Variants in THSD4 observed in about 807,000 individuals in gnomAD.
The protein encoded by THSD4 is thrombospondin type 1 domain containing 4.
A neutral mutation model predicts 119.0 loss-of-function variants in THSD4; 69 were observed. The ratio of observed to expected loss-of-function variants is 0.58; its 90% CI spans 0.48 to 0.71. The LOEUF (loss-of-function observed/expected upper bound fraction) is 0.71. THSD4 is among the 30% of genes least tolerant of loss of function. The pLI, the probability that THSD4 is intolerant of heterozygous loss-of-function variation, is 0.00. For missense variants in THSD4, 1,393 were observed against 1,391.1 expected (o/e 1.00, Z -0.02); for synonymous variants, 524 against 540.4 (o/e 0.97, Z 0.42).
chr15:71,700,888 T>A (rs971216943), intron 8 of THSD4, among the ~76,000 whole-genome samples: 17 of 152,146 alleles, frequency 1.1e-4, no homozygotes, highest in African/African-American at 3.6e-4. Context: ...ATAAAAACTA[T>A]AAATATACCA....
chr15:71,699,847 TACGC>T (rs1249645852), intron 8 of THSD4, among the ~76,000 whole-genome samples: 1 of 152,224 alleles, frequency 6.6e-6, no homozygotes. Context: ...GGATATCTAT[TACGC>T]ACCAAGATGT....
chr15:71,443,195 A>G (rs2047133224), intron 7 of THSD4, among the ~76,000 whole-genome samples: 1 of 152,182 alleles, frequency 6.6e-6, no homozygotes, highest in East Asian at 1.9e-4. Flanking sequence ...AAATCTTTCC[A>G]AATACAAAGT....
rs142403625 is a variant in THSD4, at chr15:71,333,056, C to T, written c.1015+76341C>T. Reference sequence around the variant, plus strand: ...CCTAGACTCCATTTGGGTATTCCCCCCTTTTAGGCCTCCCTAATAGTGCTG... The same window carrying T: ...CCTAGACTCCATTTGGGTATTCCCCTCTTTTAGGCCTCCCTAATAGTGCTG... On this transcript the variant is annotated intron_variant, in intron 6 of 17. Transcript: ENST00000261862. Among the ~76,000 whole-genome samples the T allele has an allele frequency of 4.3e-4, 65 of 151,762 alleles. 1 individual carries two copies. The East Asian group carries it at 0.012, about 28-fold the overall frequency.
intron 7 of THSD4, among the ~76,000 whole-genome samples, chr15:71,459,925 C>T (rs982434475): frequency 3.3e-5 from 5 of 152,082 alleles, no homozygotes; most frequent in African/African-American, 9.7e-5. Flanking sequence ...TCACACAGCC[C>T]GGATCTACTT....
intron 7 of THSD4, among the ~76,000 whole-genome samples, chr15:71,658,667 A>G (rs2051237596): frequency 6.6e-6 from 1 of 152,182 alleles, no homozygotes; most frequent in African/African-American, 2.4e-5. Context: ...CATGGAAAAC[A>G]TATTCCTTAT....
At chr15:71,245,050 A>G (rs2044188344) in intron 5 of THSD4, among the ~76,000 whole-genome samples, 1 of 152,232 alleles carries the variant, frequency 6.6e-6, no homozygotes, top group Admixed American at 6.5e-5. Context: ...GGCTTCCCTG[A>G]GTGCTGGGGT....
chr15:71,497,079 CA>C (rs2048029242), intron 7 of THSD4, among the ~76,000 whole-genome samples: 2 of 152,134 alleles, frequency 1.3e-5, no homozygotes, highest in South Asian at 4.1e-4. Context: ...AGTATTTTGC[CA>C]AAGGAAAGAT....
intron 8 of THSD4, among the ~76,000 whole-genome samples, chr15:71,686,420 T>G (rs958560520): frequency 1.4e-4 from 21 of 152,154 alleles, no homozygotes; most frequent in African/African-American, 4.8e-4. Context: ...GCTATACAGT[T>G]TATACCAGAC....
At chr15:71,205,469 C>T (rs896531718) in intron 3 of THSD4, among the ~76,000 whole-genome samples, 1 of 152,172 alleles carries the variant, frequency 6.6e-6, no homozygotes, top group Non-Finnish European at 1.5e-5. Context: ...TTCATATTTT[C>T]TCTAAAGCGT....
intron 7 of THSD4, among the ~76,000 whole-genome samples, chr15:71,644,841 T>C (rs1054248001): frequency 6.6e-6 from 1 of 152,158 alleles, no homozygotes; most frequent in Non-Finnish European, 1.5e-5. Flanking sequence ...AACAACTTCC[T>C]CTAGCAGTCC....
At chr15:71,689,405 ACT>A (rs2051996838) in intron 8 of THSD4, among the ~76,000 whole-genome samples, 1 of 151,984 alleles carries the variant, frequency 6.6e-6, no homozygotes, top group African/African-American at 2.4e-5. Flanking sequence ...TGTTATTTGA[ACT>A]CTGTGACTCT....
Position 71,109,195 on chromosome 15 carries a change from G to A in THSD4, c.-80+12189G>A, listed in dbSNP as rs2141342960. 2.0e-5 allele frequency among the ~76,000 whole-genome samples: 3 copies of A among 152,280 alleles called. No individual in the cohort carries two copies. In the South Asian group the frequency reaches 6.2e-4, roughly 32 times the overall value. Reference sequence around the variant, plus strand: ...CCATTTCAGGGTCACCCACTCAGGTGTTCTCTCATCCTACCCAAGTCAACA... The same window carrying A: ...CCATTTCAGGGTCACCCACTCAGGTATTCTCTCATCCTACCCAAGTCAACA... On this transcript the variant is annotated intron_variant, in intron 1 of 17. Transcript: ENST00000355327.
chr15:71,706,975 G>C (rs1044262125), intron 8 of THSD4, among the ~76,000 whole-genome samples: 2 of 152,144 alleles, frequency 1.3e-5, no homozygotes, highest in Non-Finnish European at 2.9e-5. Flanking sequence ...TAAGAGATGG[G>C]AGGGAGAAGG....
intron 6 of THSD4, among the ~76,000 whole-genome samples, chr15:71,307,514 G>A (rs1567189785): frequency 6.6e-6 from 1 of 152,224 alleles, no homozygotes; most frequent in East Asian, 1.9e-4. Context: ...GCTCACGCCT[G>A]TAATTCCAGC....
chr15:71,259,667 A>T (rs1174366494), intron 6 of THSD4, among the ~76,000 whole-genome samples: 1 of 152,102 alleles, frequency 6.6e-6, no homozygotes, highest in Non-Finnish European at 1.5e-5. Flanking sequence ...CTCCCCAGCG[A>T]TTGTGATTTA....
At chr15:71,291,159 C>T (rs1194999103) in intron 6 of THSD4, among the ~76,000 whole-genome samples, 1 of 152,118 alleles carries the variant, frequency 6.6e-6, no homozygotes, top group Non-Finnish European at 1.5e-5. Flanking sequence ...CATGTAGTTA[C>T]AACTGAACTT....
At chr15:71,139,483 T>C (rs946181614) in intron 1 of THSD4, among the ~76,000 whole-genome samples, 3 of 152,216 alleles carry the variant, frequency 2.0e-5, no homozygotes, top group African/African-American at 7.2e-5. Context: ...CTGTTCCAAT[T>C]TGCACTTGTT....
At chr15:71,631,194 G>T (rs1468905372) in intron 7 of THSD4, among the ~76,000 whole-genome samples, 1 of 152,184 alleles carries the variant, frequency 6.6e-6, no homozygotes, top group Non-Finnish European at 1.5e-5. Flanking sequence ...AAGTTGTCAT[G>T]GCCAGGCCTG....
intron 3 of THSD4, among the ~76,000 whole-genome samples, chr15:71,198,881 G>A (rs1262654159): frequency 6.6e-6 from 1 of 152,190 alleles, no homozygotes; most frequent in East Asian, 1.9e-4. Context: ...GAATCAGAGC[G>A]ACATTCCTTT....
Sources: allele counts gnomAD v4.1 joint callset (sites outside exome capture counted in the v4.1 genomes callset), GRCh38; gene constraint gnomAD v4.1.1; transcripts MANE v1.5; gene names NCBI Gene and HGNC (gene_info 2026-07-23, HGNC 2026-07-21).